KCNJ3: variants seen among roughly 807,000 people sequenced by gnomAD.
KCNJ3 encodes the protein G protein-activated inward rectifier potassium channel 1.
Under a neutral mutation model 39.2 loss-of-function variants are expected in KCNJ3, and 4 were observed. The observed-to-expected ratio is 0.10, with a 90% CI of 0.05 to 0.23. The LOEUF (loss-of-function observed/expected upper bound fraction) is 0.23. KCNJ3 is among the 10% of genes least tolerant of loss of function. The probability of loss-of-function intolerance (pLI) is 1.00; values close to 1 mark genes in which losing one functional copy is unlikely to be tolerated. For synonymous variants in KCNJ3, 230 were observed against 237.4 expected, an observed-to-expected ratio of 0.97 and a Z score of 0.29; for missense variants, 276 against 634.9, an observed-to-expected ratio of 0.43 and a Z score of 6.08.
chr2:154,777,813 A>G (rs533651197), intron 2 of KCNJ3, among the ~76,000 whole-genome samples: 5 of 152,328 alleles, frequency 3.3e-5, no homozygotes, highest in Non-Finnish European at 7.4e-5. Flanking sequence ...TCCTAATTTA[A>G]TTTAGACTCG....
intron 2 of KCNJ3, among the ~76,000 whole-genome samples, chr2:154,817,608 C>T (rs1410950604): frequency 6.6e-6 from 1 of 152,038 alleles, no homozygotes; most frequent in Non-Finnish European, 1.5e-5. Flanking sequence ...ATCAACCTAC[C>T]TCCCCTCTCT....
intron 2 of KCNJ3, among the ~76,000 whole-genome samples, chr2:154,836,697 T>C (rs1184953018): frequency 6.6e-6 from 1 of 152,234 alleles, no homozygotes; most frequent in Non-Finnish European, 1.5e-5. Flanking sequence ...CATAAAATTA[T>C]AGGGAATTTA....
rs555436801 is a variant in KCNJ3, at chr2:154,751,805, T to C, written c.919+41986T>C. 4.6e-5 allele frequency among the ~76,000 whole-genome samples: 7 copies of C among 152,164 alleles called. No homozygotes were observed. The South Asian group carries it at 1.2e-3, about 27-fold the overall frequency. ...TCTTCTGAGGCCTCTGCTTGGCTTA[T>C]TGATGGACTCTTCTCCAAGTGTCTT... On this transcript the variant is annotated intron_variant, in intron 2 of 2. Transcript: ENST00000295101.
chr2:154,818,918 CTTTTTTTTTTTTTTTTT>C (rs57668487), intron 2 of KCNJ3, among the ~76,000 whole-genome samples: 34 of 52,432 alleles, frequency 6.5e-4, no homozygotes, highest in African/African-American at 2.7e-3. Context: ...CTGCAAAAGC[CTTTTTTTTTTTTTTTTT>C]TTTTTTTTTT....
chr2:154,809,546 C>A (rs894651881), intron 2 of KCNJ3, among the ~76,000 whole-genome samples: 5 of 152,234 alleles, frequency 3.3e-5, no homozygotes, highest in African/African-American at 1.2e-4. Flanking sequence ...ATTGGATTGA[C>A]AAAGAGTGGT....
At chr2:154,733,965 A>T (rs944269377) in intron 2 of KCNJ3, among the ~76,000 whole-genome samples, 6 of 152,134 alleles carry the variant, frequency 3.9e-5, no homozygotes, top group African/African-American at 1.2e-4. Flanking sequence ...AAGATTTATG[A>T]GTCCTGAAAC....
At chr2:154,766,806 G>A (rs897609348) in intron 2 of KCNJ3, among the ~76,000 whole-genome samples, 2 of 152,032 alleles carry the variant, frequency 1.3e-5, no homozygotes, top group Non-Finnish European at 2.9e-5. Context: ...CGCCCACCTC[G>A]GCCACCGAAA....
intron 2 of KCNJ3, among the ~76,000 whole-genome samples, chr2:154,786,450 A>T (rs1473719326): frequency 1.3e-5 from 2 of 152,190 alleles, no homozygotes; most frequent in African/African-American, 2.4e-5. Flanking sequence ...GTATTTCAGG[A>T]TCAATGATGC....
chr2:154,825,548 AT>A (rs1687256425), intron 2 of KCNJ3, among the ~76,000 whole-genome samples: 2 of 33,656 alleles, frequency 5.9e-5, no homozygotes, highest in East Asian at 2.0e-3. Flanking sequence ...GAAATTATTT[AT>A]TTATTTATTT....
At chr2:154,707,724 A>G (rs1391670014) in intron 1 of KCNJ3, among the ~76,000 whole-genome samples, 1 of 145,652 alleles carries the variant, frequency 6.9e-6, no homozygotes, top group African/African-American at 2.5e-5. Flanking sequence ...ATGGTCAGCA[A>G]AAAGACCCAA....
At chr2:154,753,566 G>A (rs1468183430) in intron 2 of KCNJ3, among the ~76,000 whole-genome samples, 3 of 151,880 alleles carry the variant, frequency 2.0e-5, no homozygotes, top group South Asian at 2.1e-4. Context: ...TTACGATTTC[G>A]GATCCTGAAT....
intron 2 of KCNJ3, among the ~76,000 whole-genome samples, chr2:154,747,634 T>A (rs1685770205): frequency 2.0e-5 from 3 of 152,014 alleles, no homozygotes; most frequent in Admixed American, 2.0e-4. Context: ...ATTTCATTCC[T>A]ATTCCAGAAT....
chr2:154,832,113 T>C (rs1687373764), intron 2 of KCNJ3, among the ~76,000 whole-genome samples: 1 of 152,076 alleles, frequency 6.6e-6, no homozygotes, highest in Admixed American at 6.6e-5. Context: ...GGAGAATGCA[T>C]TGCACCAAGA....
chr2:154,834,723 T>A (rs1265241992), intron 2 of KCNJ3, among the ~76,000 whole-genome samples: 1 of 149,900 alleles, frequency 6.7e-6, no homozygotes, highest in Non-Finnish European at 1.5e-5. Flanking sequence ...CGAGACTCCA[T>A]CTCAAAAAAT....
intron 2 of KCNJ3, among the ~76,000 whole-genome samples, chr2:154,809,521 C>T (rs932521618): frequency 1.3e-5 from 2 of 152,118 alleles, no homozygotes; most frequent in African/African-American, 4.8e-5. Flanking sequence ...TCATACAAGG[C>T]AGAGAATAAG....
In KCNJ3 at chr2:154,855,365, A is replaced by T; in HGVS notation, c.*52A>T. On this transcript the variant is annotated 3_prime_UTR_variant, in exon 3 of 3. Coordinates refer to ENST00000295101, the MANE Select transcript of KCNJ3 (RefSeq NM_002239.4). ...ATGTTTGATTTAGTAATAGTCCAAT[A>T]TTTGGCGATGAGGTAATTCTCCCTA... The T allele has an allele frequency of 2.4e-6, 3 of 1,231,154 alleles. No individual in the cohort carries two copies. Among genetic ancestry groups the T allele is most frequent in the Non-Finnish European group, 3.4e-6 (3 of 888,446 alleles). The allele number at this position is 1,231,154 out of a possible 1,614,324, so 76.3% of individuals were successfully genotyped here. A position where few individuals can be genotyped will look rare whatever the true frequency, so the allele number is the denominator to read the frequency against.
chr2:154,724,806 A>T (rs1685321023), intron 2 of KCNJ3, among the ~76,000 whole-genome samples: 1 of 148,760 alleles, frequency 6.7e-6, no homozygotes, highest in African/African-American at 2.4e-5. Context: ...TATTTTAATT[A>T]TTTATAAATA....
chr2:154,726,639 T>G (rs758505084), intron 2 of KCNJ3, among the ~76,000 whole-genome samples: 1 of 151,934 alleles, frequency 6.6e-6, no homozygotes, highest in Non-Finnish European at 1.5e-5. Flanking sequence ...GAAGTCATTA[T>G]AAGAAAAAGA....
intron 1 of KCNJ3, among the ~76,000 whole-genome samples, chr2:154,703,903 A>ATC (rs1357932915): frequency 6.6e-6 from 1 of 152,148 alleles, no homozygotes; most frequent in African/African-American, 2.4e-5. Flanking sequence ...TCTGAACATC[A>ATC]TCTAAGCCAT....
Sources: allele counts gnomAD v4.1 joint callset (sites outside exome capture counted in the v4.1 genomes callset), GRCh38; gene constraint gnomAD v4.1.1; transcripts MANE v1.5; gene names NCBI Gene and HGNC (gene_info 2026-07-23, HGNC 2026-07-21).